TNNI3K: variants seen among roughly 807,000 people sequenced by gnomAD.
TNNI3K encodes the protein TNNI3 interacting kinase.
A neutral mutation model predicts 114.5 loss-of-function variants in TNNI3K; 140 were observed. The observed-to-expected ratio is 1.22, with a 90% CI of 1.07 to 1.41. The LOEUF (loss-of-function observed/expected upper bound fraction) is 1.41, where lower values mean the gene tolerates loss of function less well. TNNI3K is among the 40% of genes most tolerant of loss of function. TNNI3K has a pLI of 0.00. For missense variants in TNNI3K, 1,125 were observed against 1,007.6 expected, an observed-to-expected ratio of 1.12 and a Z score of -1.58; for synonymous variants, 347 against 347.5, an observed-to-expected ratio of 1.00 and a Z score of 0.02.
At chr1:74,518,874 C>CT (rs1327871291) in intron 23 of TNNI3K, among the ~76,000 whole-genome samples, 4 of 29,054 alleles carry the variant, frequency 1.4e-4, no homozygotes, top group African/African-American at 3.3e-4. Context: ...TTTTTTTCCC[C>CT]TTTTTTTTTT....
chr1:74,349,797 T>A (rs1199602790), intron 9 of TNNI3K, among the ~76,000 whole-genome samples: 1 of 152,234 alleles, frequency 6.6e-6, no homozygotes, highest in East Asian at 1.9e-4. Context: ...AGTTTGTATT[T>A]CTGTGGGATC....
intron 20 of TNNI3K, among the ~76,000 whole-genome samples, chr1:74,455,993 T>C (rs1667208872): frequency 6.6e-6 from 1 of 152,208 alleles, no homozygotes; most frequent in African/African-American, 2.4e-5. Flanking sequence ...GTGTCATCAA[T>C]GGAGGTCACT....
chr1:74,454,173 A>AATCCCT (rs1667136829), intron 20 of TNNI3K, among the ~76,000 whole-genome samples: 1 of 152,198 alleles, frequency 6.6e-6, no homozygotes, highest in South Asian at 2.1e-4. Flanking sequence ...AAACCAGAAT[A>AATCCCT]ATAGGGATAT....
intron 4 of TNNI3K, among the ~76,000 whole-genome samples, chr1:74,252,872 C>G (rs980848592): frequency 1.3e-5 from 2 of 152,258 alleles, no homozygotes; most frequent in Admixed American, 1.3e-4. Context: ...ACAAAGCTTC[C>G]AAAGTGTGGA....
intron 2 of TNNI3K, among the ~76,000 whole-genome samples, chr1:74,247,481 G>C (rs1300154285): frequency 6.6e-6 from 1 of 152,200 alleles, no homozygotes; most frequent in Non-Finnish European, 1.5e-5. Context: ...GGGGACACAA[G>C]CAAGTTGCCG....
At chr1:74,477,423 T>G (rs888428332) in intron 21 of TNNI3K, among the ~76,000 whole-genome samples, 1 of 152,168 alleles carries the variant, frequency 6.6e-6, no homozygotes, top group Non-Finnish European at 1.5e-5. Flanking sequence ...CTACCATTGT[T>G]TAGGTTTTGC....
chr1:74,295,887 A>G (rs1019346377), intron 5 of TNNI3K, among the ~76,000 whole-genome samples: 9 of 151,892 alleles, frequency 5.9e-5, no homozygotes, highest in Non-Finnish European at 8.8e-5. Context: ...TGCTCCACCT[A>G]TTGTTTTTGT....
chr1:74,392,364 GC>G (rs1663833224), intron 17 of TNNI3K, among the ~76,000 whole-genome samples: 1 of 152,176 alleles, frequency 6.6e-6, no homozygotes, highest in South Asian at 2.1e-4. Flanking sequence ...AGAGGTAGGA[GC>G]TCAGTATGAG....
chr1:74,370,480 T>C (rs1570535418), intron 17 of TNNI3K, 88 bp downstream of exon 17: 2 of 1,193,424 alleles, frequency 1.7e-6, no homozygotes, highest in Non-Finnish European at 2.3e-6. Context: ...TTTAGACTTA[T>C]TGCAGATCAG....
intron 20 of TNNI3K, among the ~76,000 whole-genome samples, chr1:74,451,517 T>C (rs1337261446): frequency 6.6e-6 from 1 of 151,994 alleles, no homozygotes; most frequent in Non-Finnish European, 1.5e-5. Context: ...TCCATCCTAG[T>C]TCCCTTTTTT....
At chr1:74,258,001 C>G (rs117259440) in intron 4 of TNNI3K, among the ~76,000 whole-genome samples, 1 of 152,110 alleles carries the variant, frequency 6.6e-6, no homozygotes, top group African/African-American at 2.4e-5. Context: ...TAGCATGTGG[C>G]TCTCACACCT....
At chr1:74,487,406 G>A (rs1668821131) in intron 21 of TNNI3K, among the ~76,000 whole-genome samples, 1 of 152,176 alleles carries the variant, frequency 6.6e-6, no homozygotes, top group South Asian at 2.1e-4. Context: ...AAGTGTGAGA[G>A]AGTGAATGGA....
intron 23 of TNNI3K, among the ~76,000 whole-genome samples, chr1:74,536,756 G>C (rs546295991): frequency 6.6e-6 from 1 of 152,184 alleles, no homozygotes; most frequent in Admixed American, 6.5e-5. Context: ...AGACTACCTA[G>C]TTGACCAGCA....
chr1:74,241,245 T>A (rs1391860237), intron 2 of TNNI3K, among the ~76,000 whole-genome samples: 6 of 152,210 alleles, frequency 3.9e-5, no homozygotes, highest in Non-Finnish European at 1.5e-5. Flanking sequence ...AACATACATG[T>A]GCATGTGACT....
intron 5 of TNNI3K, among the ~76,000 whole-genome samples, chr1:74,322,997 G>A (rs993095541): frequency 2.0e-5 from 3 of 151,928 alleles, no homozygotes; most frequent in Non-Finnish European, 4.4e-5. Flanking sequence ...AAGTCTCTTG[G>A]TGCATCTCTA....
At chr1:74,348,481 G>T (rs1479917306) in intron 9 of TNNI3K, among the ~76,000 whole-genome samples, 1 of 152,166 alleles carries the variant, frequency 6.6e-6, no homozygotes, top group Non-Finnish European at 1.5e-5. Flanking sequence ...GGCAATGCGG[G>T]CTCTTTCTTG....
intron 2 of TNNI3K, among the ~76,000 whole-genome samples, chr1:74,246,124 T>G (rs1654536521): frequency 6.6e-6 from 1 of 152,240 alleles, no homozygotes; most frequent in South Asian, 2.1e-4. Context: ...AATGTCTACT[T>G]ATAATAAAAT....
At chr1:74,542,034 G>T (rs1014344576) in intron 24 of TNNI3K, among the ~76,000 whole-genome samples, 1 of 152,136 alleles carries the variant, frequency 6.6e-6, no homozygotes, top group Admixed American at 6.5e-5. Context: ...ATTCAGACTT[G>T]GTTCAGTCTT....
At position 74,365,573 on chromosome 1, in the gene TNNI3K, C is replaced by T. The variant is rs80027694; in HGVS notation, c.1178-1683C>T. The stretch of plus-strand genomic sequence containing the variant: ...CTACCTCTCCAACCAAATCTGATAC[C>T]ACTCTCATCCTTGCTTGTGTAGCCA... On this transcript the variant is annotated intron_variant, in intron 11 of 24. Transcript: ENST00000326637. 6.2e-3 allele frequency among the ~76,000 whole-genome samples: 950 copies of T among 152,142 alleles called. 13 individuals are homozygous for T. The highest frequency in any genetic ancestry group is 0.022 in the African/African-American group (908 of 41,542).
Sources: gnomAD v4.1 joint callset for allele counts (sites outside exome capture counted in the v4.1 genomes callset) on GRCh38, gnomAD v4.1.1 for gene constraint, MANE v1.5 for transcripts, NCBI Gene and HGNC (gene_info 2026-07-23, HGNC 2026-07-21) for gene names.